Variants in TRDN observed in about 807,000 individuals in gnomAD.
TRDN encodes triadin.
Under a neutral mutation model 149.7 loss-of-function variants are expected in TRDN, and 161 were observed. That is an observed-to-expected ratio of 1.08 (90% CI 0.95 to 1.23). The LOEUF (loss-of-function observed/expected upper bound fraction) is 1.23, where lower values mean the gene tolerates loss of function less well. TRDN is among the 50% of genes most tolerant of loss of function. The pLI is 0.00. For synonymous variants in TRDN, 294 were observed against 250.5 expected, an observed-to-expected ratio of 1.17 and a Z score of -1.64; for missense variants, 896 against 823.5, an observed-to-expected ratio of 1.09 and a Z score of -1.08.
intron 10 of TRDN, among the ~76,000 whole-genome samples, chr6:123,446,630 G>T (rs1370754829): frequency 5.3e-5 from 8 of 150,732 alleles, no homozygotes; most frequent in Non-Finnish European, 1.0e-4. Flanking sequence ...GCCTAGTGAG[G>T]CCAGAGTAGA....
At chr6:123,352,066 A>C (rs1780480377) in intron 21 of TRDN, 1 of 973,962 alleles carries the variant, frequency 1.0e-6, no homozygotes, top group Admixed American at 6.2e-5. Flanking sequence ...ATAATATAGT[A>C]TATATCATAA....
intron 2 of TRDN, among the ~76,000 whole-genome samples, chr6:123,570,394 T>C (rs1235286664): frequency 1.3e-5 from 2 of 152,170 alleles, no homozygotes; most frequent in Non-Finnish European, 2.9e-5. Flanking sequence ...ATATGTAATT[T>C]TGTGAAAAAC....
In TRDN at chr6:123,406,652, A is replaced by G. The variant is rs1773203184; in HGVS notation, c.1052-12975T>C. ...TTTGCTGTGACTCATTGTGATAGCC[A>G]TATATAAACATAGGAAAATCTTTTA... On this transcript the variant is annotated intron_variant, in intron 12 of 40. Coordinates refer to ENST00000334268, the MANE Select transcript of TRDN (RefSeq NM_006073.4). Among the ~76,000 whole-genome samples, 4 of 152,130 alleles carry G rather than the reference A, an allele frequency of 2.6e-5. No homozygotes were observed. The South Asian group carries it at 8.3e-4, about 31-fold the overall frequency.
intron 34 of TRDN, 99 bp downstream of exon 34, chr6:123,260,513 C>A (rs1776726010): frequency 2.4e-6 from 3 of 1,257,078 alleles, no homozygotes; most frequent in South Asian, 3.1e-5. Flanking sequence ...GGAATTTGAG[C>A]AGCTAAGGGA....
At chr6:123,458,192 C>A (rs1046805215) in intron 10 of TRDN, among the ~76,000 whole-genome samples, 1 of 152,080 alleles carries the variant, frequency 6.6e-6, no homozygotes, top group Non-Finnish European at 1.5e-5. Context: ...CCTGTTATAC[C>A]CTTTTCTCTT....
intron 12 of TRDN, among the ~76,000 whole-genome samples, chr6:123,435,569 T>A (rs1774524322): frequency 6.7e-6 from 1 of 149,856 alleles, no homozygotes; most frequent in Admixed American, 6.6e-5. Context: ...ATGCACACAC[T>A]GTTTTGAGTA....
chr6:123,277,294 G>A (rs1439742644), intron 26 of TRDN, among the ~76,000 whole-genome samples: 7 of 152,098 alleles, frequency 4.6e-5, no homozygotes, highest in Admixed American at 3.9e-4. Flanking sequence ...ATGCTAGAAT[G>A]GTTAGGACTT....
intron 23 of TRDN, among the ~76,000 whole-genome samples, chr6:123,324,485 A>C (rs1779369945): frequency 6.6e-6 from 1 of 152,014 alleles, no homozygotes. Context: ...GAAACAAAAT[A>C]AAACAAAAAA....
intron 12 of TRDN, among the ~76,000 whole-genome samples, chr6:123,435,235 A>G (rs1483456514): frequency 1.3e-5 from 2 of 151,862 alleles, no homozygotes; most frequent in Non-Finnish European, 2.9e-5. Flanking sequence ...TAAATTTGCT[A>G]TTTGGGGCTA....
intron 12 of TRDN, among the ~76,000 whole-genome samples, chr6:123,415,878 G>A (rs1296050185): frequency 6.6e-6 from 1 of 152,146 alleles, no homozygotes; most frequent in Non-Finnish European, 1.5e-5. Flanking sequence ...CAACATCAGC[G>A]AATACTTTAG....
intron 4 of TRDN, among the ~76,000 whole-genome samples, chr6:123,545,957 T>C (rs1781090184): frequency 6.6e-6 from 1 of 152,152 alleles, no homozygotes; most frequent in Non-Finnish European, 1.5e-5. Context: ...GGCTTTATAA[T>C]AGTCTTATGG....
intron 12 of TRDN, among the ~76,000 whole-genome samples, chr6:123,409,874 A>G (rs1222601723): frequency 6.6e-6 from 1 of 152,184 alleles, no homozygotes; most frequent in Non-Finnish European, 1.5e-5. Flanking sequence ...ACTGGTATTC[A>G]AACAAAGGGG....
rs1352312366 is a variant in TRDN at position 123,609,907 on chromosome 6, G to A, written c.22+26847C>T. 2.0e-5 allele frequency among the ~76,000 whole-genome samples: 3 copies of A among 152,020 alleles called. No homozygotes were observed. In the East Asian group the frequency reaches 5.8e-4, roughly 29 times the overall value. On this transcript the variant is annotated intron_variant, in intron 1 of 40. Coordinates refer to ENST00000334268, the MANE Select transcript of TRDN (RefSeq NM_006073.4). ...TATCTAGCTAAAAAAGGAGGCACTC[G>A]GTATATGATTGTTCAGTGGATGGAT...
chr6:123,536,441 T>A (rs1226265606), intron 4 of TRDN, among the ~76,000 whole-genome samples: 1 of 152,026 alleles, frequency 6.6e-6, no homozygotes, highest in Non-Finnish European at 1.5e-5. Flanking sequence ...TGATTATACT[T>A]GAAAATTTGA....
chr6:123,376,797 A>G (rs1781526139), intron 18 of TRDN, among the ~76,000 whole-genome samples: 1 of 152,086 alleles, frequency 6.6e-6, no homozygotes, highest in Admixed American at 6.6e-5. Context: ...GGTTTTTTAA[A>G]TAAGATTGAG....
At chr6:123,378,203 C>T (rs1781582961) in intron 16 of TRDN, among the ~76,000 whole-genome samples, 2 of 151,898 alleles carry the variant, frequency 1.3e-5, no homozygotes, top group South Asian at 4.1e-4. Flanking sequence ...ATTAAATTTG[C>T]TATTATATTA....
At chr6:123,258,254 T>C (rs184266378) in intron 35 of TRDN, among the ~76,000 whole-genome samples, 22 of 152,330 alleles carry the variant, frequency 1.4e-4, no homozygotes, top group Non-Finnish European at 2.9e-4. Flanking sequence ...ACTTTCAGTA[T>C]GCTATTGACT....
chr6:123,309,992 A>G (rs1778755500), intron 24 of TRDN, among the ~76,000 whole-genome samples: 1 of 152,088 alleles, frequency 6.6e-6, no homozygotes, highest in Non-Finnish European at 1.5e-5. Flanking sequence ...GAAATTAACT[A>G]TAGTACATAT....
chr6:123,495,840 A>G (rs1478364660), intron 9 of TRDN, among the ~76,000 whole-genome samples: 2 of 151,958 alleles, frequency 1.3e-5, no homozygotes, highest in African/African-American at 2.4e-5. Flanking sequence ...TGTGATCTTT[A>G]TTTTAAATGT....
Sources: gnomAD v4.1 joint callset for allele counts (sites outside exome capture counted in the v4.1 genomes callset) on GRCh38, gnomAD v4.1.1 for gene constraint, MANE v1.5 for transcripts, NCBI Gene and HGNC (gene_info 2026-07-23, HGNC 2026-07-21) for gene names.